Variants in OR1J2 observed in about 807,000 individuals in gnomAD.
The protein encoded by OR1J2 is olfactory receptor 1J2.
For synonymous variants in OR1J2, 142 were observed against 99.7 expected (o/e 1.42, Z -2.52); for missense variants, 304 against 246.1 (o/e 1.24, Z -1.57).
At chr9:122,495,512 A>C in the OR1J2 span, among the ~76,000 whole-genome samples, 2 of 151,766 alleles carry the variant, frequency 1.3e-5, no homozygotes, top group South Asian at 4.2e-4. Context: ...GCATTTCTCT[A>C]TGTGTGTCCT....
the OR1J2 span, chr9:122,477,917 C>T: frequency 1.3e-6 from 2 of 1,596,212 alleles, no homozygotes; most frequent in African/African-American, 2.7e-5. Context: ...CTCTGGTTCT[C>T]AGGGCTCATG....
At chr9:122,464,013 T>C in the OR1J2 span, among the ~76,000 whole-genome samples, 1 of 152,200 alleles carries the variant, frequency 6.6e-6, no homozygotes, top group Non-Finnish European at 1.5e-5. Flanking sequence ...CAAGGGATTA[T>C]GTCCTTTGTC....
chr9:122,506,123 A>AG (rs1355378445), upstream of OR1J2, among the ~76,000 whole-genome samples: 1 of 152,152 alleles, frequency 6.6e-6, no homozygotes, highest in East Asian at 1.9e-4. Flanking sequence ...AGAGCCCAGC[A>AG]GTCATATGGA....
At chr9:122,567,646 A>C in the OR1J2 span, 1 of 1,613,990 alleles carries the variant, frequency 6.2e-7, no homozygotes, top group Non-Finnish European at 8.5e-7. Context: ...AAAACTGTGT[A>C]AACAATTGTT....
At chr9:122,497,402 T>C in the OR1J2 span, among the ~76,000 whole-genome samples, 1 of 152,180 alleles carries the variant, frequency 6.6e-6, no homozygotes, top group Non-Finnish European at 1.5e-5. Context: ...TCTTGGGAGA[T>C]TGCATAGTTT....
At chr9:122,519,496 C>T in the OR1J2 span, 1 of 1,614,124 alleles carries the variant, frequency 6.2e-7, no homozygotes, top group Non-Finnish European at 8.5e-7. Flanking sequence ...ACTTCAATGG[C>T]ATACGATCGG....
At chr9:122,496,875 C>G in the OR1J2 span, among the ~76,000 whole-genome samples, 6 of 152,158 alleles carry the variant, frequency 3.9e-5, no homozygotes, top group African/African-American at 4.8e-5. Flanking sequence ...TAAGTAGTTT[C>G]CAGCTTGACT....
At chr9:122,477,379 GC>G in the OR1J2 span, 1 of 1,614,050 alleles carries the variant, frequency 6.2e-7, no homozygotes, top group Non-Finnish European at 8.5e-7. Context: ...CTTGAGCAGG[GC>G]ACCAAGGTCA....
the OR1J2 span, among the ~76,000 whole-genome samples, chr9:122,450,166 A>G: frequency 5.3e-5 from 8 of 152,170 alleles, no homozygotes; most frequent in Admixed American, 5.2e-4. Flanking sequence ...ATGGTGGCTC[A>G]TGCCTGTAAT....
At chr9:122,463,948 A>T in the OR1J2 span, among the ~76,000 whole-genome samples, 1 of 152,212 alleles carries the variant, frequency 6.6e-6, no homozygotes, top group Non-Finnish European at 1.5e-5. Context: ...CTACATTAGC[A>T]CATCAGCACA....
the OR1J2 span, among the ~76,000 whole-genome samples, chr9:122,550,078 C>A: frequency 6.6e-6 from 1 of 151,956 alleles, no homozygotes; most frequent in African/African-American, 2.4e-5. Context: ...TTTTTACCTC[C>A]TTGGTTACAT....
the OR1J2 span, among the ~76,000 whole-genome samples, chr9:122,557,426 G>A: frequency 2.0e-5 from 3 of 151,950 alleles, no homozygotes; most frequent in Admixed American, 1.3e-4. Context: ...AATGAGTGTT[G>A]GATTTTTGTG....
chr9:122,529,411 T>A, the OR1J2 span, among the ~76,000 whole-genome samples: 1 of 152,224 alleles, frequency 6.6e-6, no homozygotes, highest in Non-Finnish European at 1.5e-5. Flanking sequence ...AAGAGCAGCA[T>A]CTTTTTGATC....
chr9:122,580,192 T>A, the OR1J2 span, among the ~76,000 whole-genome samples: 1 of 152,146 alleles, frequency 6.6e-6, no homozygotes, highest in Non-Finnish European at 1.5e-5. Flanking sequence ...GTTCCAAGAA[T>A]ATTTCTGACA....
At chr9:122,490,746 A>C in the OR1J2 span, among the ~76,000 whole-genome samples, 1 of 152,210 alleles carries the variant, frequency 6.6e-6, no homozygotes, top group East Asian at 1.9e-4. Flanking sequence ...ATGAGTCCAG[A>C]GAAACTAGAA....
the OR1J2 span, among the ~76,000 whole-genome samples, chr9:122,485,130 G>A: frequency 2.6e-5 from 4 of 151,916 alleles, no homozygotes; most frequent in African/African-American, 7.3e-5. Flanking sequence ...CTTCCCCACC[G>A]AGTGACAGGA....
chr9:122,568,343 G>A, the OR1J2 span: 1 of 1,614,134 alleles, frequency 6.2e-7, no homozygotes. Context: ...CCAGGATGAT[G>A]AGCAGGTTCC....
chr9:122,576,450 G>A, the OR1J2 span, among the ~76,000 whole-genome samples: 1 of 148,994 alleles, frequency 6.7e-6, no homozygotes, highest in African/African-American at 2.5e-5. Flanking sequence ...GGCCAGGCTT[G>A]TCTTGAACTC....
At chr9:122,483,405 T>A in the OR1J2 span, among the ~76,000 whole-genome samples, 8 of 152,294 alleles carry the variant, frequency 5.3e-5, no homozygotes, top group African/African-American at 1.9e-4. Context: ...TGTAATTCTA[T>A]CCTGCAATAA....
Sources: gnomAD v4.1 joint callset for allele counts (sites outside exome capture counted in the v4.1 genomes callset) on GRCh38, gnomAD v4.1.1 for gene constraint, MANE v1.5 for transcripts, NCBI Gene and HGNC (gene_info 2026-07-23, HGNC 2026-07-21) for gene names.